Variants in CCSER1 observed in about 807,000 individuals in gnomAD.
CCSER1 encodes serine-rich coiled-coil domain-containing protein 1.
A neutral mutation model predicts 82.0 loss-of-function variants in CCSER1; 41 were observed. The ratio of observed to expected loss-of-function variants is 0.50; its 90% confidence interval spans 0.39 to 0.65. CCSER1 has a LOEUF of 0.65. Ranked by LOEUF, CCSER1 falls within the 30% of genes least tolerant of loss-of-function variation. CCSER1 has a pLI of 0.00. For missense variants in CCSER1, 1,119 were observed against 1,064.2 expected, an observed-to-expected ratio of 1.05 and a Z score of -0.72; for synonymous variants, 414 against 383.9, an observed-to-expected ratio of 1.08 and a Z score of -0.92.
At chr4:91,004,072 G>A (rs375775528) in intron 9 of CCSER1, among the ~76,000 whole-genome samples, 3 of 152,134 alleles carry the variant, frequency 2.0e-5, no homozygotes, top group African/African-American at 7.2e-5. Context: ...CATTATTTGG[G>A]GTGTCTCCCG....
chr4:90,589,061 A>G (rs532442719), intron 5 of CCSER1, among the ~76,000 whole-genome samples: 2 of 152,304 alleles, frequency 1.3e-5, no homozygotes, highest in African/African-American at 4.8e-5. Context: ...TCTAATATGG[A>G]TTTGTGCAAT....
chr4:91,187,013 G>T (rs530948321), intron 10 of CCSER1, among the ~76,000 whole-genome samples: 2 of 152,196 alleles, frequency 1.3e-5, no homozygotes, highest in Admixed American at 6.5e-5. Context: ...ATTTTGGGGG[G>T]CCTGCTCCCA....
At chr4:90,169,867 T>C (rs1214750071) in intron 1 of CCSER1, among the ~76,000 whole-genome samples, 1 of 151,982 alleles carries the variant, frequency 6.6e-6, no homozygotes, top group African/African-American at 2.4e-5. Context: ...TTCTTAGTTC[T>C]AGGCATAAAC....
At chr4:91,378,757 T>G (rs955827273) in intron 10 of CCSER1, among the ~76,000 whole-genome samples, 5 of 152,064 alleles carry the variant, frequency 3.3e-5, no homozygotes, top group East Asian at 3.9e-4. Flanking sequence ...TCTCCTGCCT[T>G]ATTGCCCTGG....
intron 5 of CCSER1, among the ~76,000 whole-genome samples, chr4:90,489,168 T>A (rs966779845): frequency 6.6e-6 from 1 of 152,192 alleles, no homozygotes; most frequent in Non-Finnish European, 1.5e-5. Context: ...TCAAGAAGCA[T>A]ACCCTTGATT....
rs1354282588 is a variant in CCSER1, at chr4:90,309,599, C to A, written c.1315C>A (p.Pro439Thr). 3 of 1,577,302 alleles carry A rather than the reference C, an allele frequency of 1.9e-6. No homozygotes were observed. In the South Asian group the frequency reaches 3.5e-5, roughly 19 times the overall value. The stretch of plus-strand genomic sequence containing the variant: ...AACATCACATGGATATGAAGCAAAT[C>A]CTGCCAAAGGTATGCTGATTTTTTT... ...NKTSHGYEANPAKVLASSLSP... is the reference protein window; with the variant it reads ...NKTSHGYEANTAKVLASSLSP... Residue 439 changes from proline (P) to threonine (T), a missense_variant, in exon 2 of 11, where the codon CCT (proline) becomes ACT (threonine). Physicochemically the swap from Pro to Thr is conservative, Grantham distance 38. Transcript: ENST00000509176.
At chr4:91,107,561 C>T (rs139857249) in intron 10 of CCSER1, among the ~76,000 whole-genome samples, 8 of 152,008 alleles carry the variant, frequency 5.3e-5, no homozygotes, top group African/African-American at 1.9e-4. Flanking sequence ...GAATGTATTC[C>T]CTTGGTTAAG....
At chr4:91,208,080 G>GT (rs1295468021) in intron 10 of CCSER1, among the ~76,000 whole-genome samples, 1 of 151,814 alleles carries the variant, frequency 6.6e-6, no homozygotes, top group Non-Finnish European at 1.5e-5. Flanking sequence ...GGGGTTGTGT[G>GT]TTTTTTGCTT....
chr4:91,138,609 T>A (rs1292196910), intron 10 of CCSER1, among the ~76,000 whole-genome samples: 1 of 93,712 alleles, frequency 1.1e-5, no homozygotes, highest in East Asian at 2.9e-4. Flanking sequence ...ACTAAAGAGC[T>A]TCTGCACAGC....
At chr4:90,155,269 G>C (rs996884588) in intron 1 of CCSER1, among the ~76,000 whole-genome samples, 5 of 152,104 alleles carry the variant, frequency 3.3e-5, no homozygotes, top group African/African-American at 1.2e-4. Context: ...TGTGCTGTTG[G>C]ATTCAGTTTG....
chr4:90,173,929 T>A (rs549471559), intron 1 of CCSER1, among the ~76,000 whole-genome samples: 173 of 152,084 alleles, frequency 1.1e-3, no homozygotes, highest in African/African-American at 4.0e-3. Flanking sequence ...TTATATTTTT[T>A]AAATTGTACC....
intron 10 of CCSER1, among the ~76,000 whole-genome samples, chr4:91,253,524 T>C (rs1393088309): frequency 3.9e-5 from 6 of 152,106 alleles, no homozygotes; most frequent in African/African-American, 1.4e-4. Context: ...CACAAATAGA[T>C]ACTTATGAAA....
intron 10 of CCSER1, among the ~76,000 whole-genome samples, chr4:91,212,465 G>A (rs1370273888): frequency 6.6e-6 from 1 of 151,894 alleles, no homozygotes; most frequent in Middle Eastern, 3.2e-3. Context: ...ATAATTTTCT[G>A]GTGACTGATG....
chr4:90,287,432 T>G (rs1202238226), intron 1 of CCSER1, among the ~76,000 whole-genome samples: 1 of 151,780 alleles, frequency 6.6e-6, no homozygotes, highest in Non-Finnish European at 1.5e-5. Context: ...TCATGAAGAG[T>G]TGATAATATG....
chr4:91,504,765 T>C (rs2110101199), intron 10 of CCSER1, among the ~76,000 whole-genome samples: 1 of 152,190 alleles, frequency 6.6e-6, no homozygotes, highest in East Asian at 1.9e-4. Context: ...AAACAAAACA[T>C]GACTAAATAT....
At chr4:90,528,943 G>C (rs1007784496) in intron 5 of CCSER1, among the ~76,000 whole-genome samples, 5 of 151,768 alleles carry the variant, frequency 3.3e-5, no homozygotes, top group African/African-American at 1.2e-4. Flanking sequence ...TTTTGTGTTG[G>C]AATTTTGTTG....
intron 5 of CCSER1, among the ~76,000 whole-genome samples, chr4:90,479,533 C>A (rs539963701): frequency 2.0e-5 from 3 of 152,088 alleles, no homozygotes; most frequent in South Asian, 2.1e-4. Context: ...CCGCTCCCCC[C>A]ACCCCACAAC....
chr4:91,036,888 G>A (rs1045144810), intron 9 of CCSER1, among the ~76,000 whole-genome samples: 1 of 152,090 alleles, frequency 6.6e-6, no homozygotes, highest in African/African-American at 2.4e-5. Flanking sequence ...AGACCAGTCT[G>A]GCCAACATGG....
chr4:91,396,019 C>CT (rs1281467956), intron 10 of CCSER1, among the ~76,000 whole-genome samples: 6 of 152,048 alleles, frequency 3.9e-5, no homozygotes, highest in Admixed American at 6.6e-5. Context: ...TTCGTGCTCC[C>CT]CATATCCGTG....
Sources: allele counts gnomAD v4.1 joint callset (sites outside exome capture counted in the v4.1 genomes callset), GRCh38; gene constraint gnomAD v4.1.1; transcripts MANE v1.5; gene names NCBI Gene and HGNC (gene_info 2026-07-23, HGNC 2026-07-21).